Variants in IL31RA observed in about 807,000 individuals in gnomAD.
IL31RA encodes interleukin-31 receptor subunit alpha.
Under a neutral mutation model 83.7 loss-of-function variants are expected in IL31RA, and 66 were observed. The observed-to-expected ratio is 0.79, with a 90% CI of 0.65 to 0.97. The LOEUF is 0.97. Ranked by LOEUF, IL31RA falls within the 50% of genes least tolerant of loss-of-function variation. The probability of loss-of-function intolerance (pLI) is 0.00; values close to 1 mark genes in which losing one functional copy is unlikely to be tolerated. For missense variants in IL31RA, 798 were observed against 919.4 expected (o/e 0.87, Z 1.71); for synonymous variants, 325 against 329.0 (o/e 0.99, Z 0.13).
intron 13 of IL31RA, among the ~76,000 whole-genome samples, chr5:55,914,241 A>G (rs548278366): frequency 6.6e-6 from 1 of 152,342 alleles, no homozygotes; most frequent in South Asian, 2.1e-4. Context: ...GGTCAAGCTA[A>G]TATCAACCTC....
At chr5:55,872,130 G>A (rs1746546904) in intron 3 of IL31RA, 140 bp from the exon 4 acceptor site, 2 of 662,980 alleles carry the variant, frequency 3.0e-6, no homozygotes, top group Non-Finnish European at 5.2e-6. Context: ...TTTGGAAAGA[G>A]GATAACCAAA....
intron 4 of IL31RA, among the ~76,000 whole-genome samples, chr5:55,880,332 A>G (rs1210149409): frequency 6.6e-6 from 1 of 152,172 alleles, no homozygotes; most frequent in African/African-American, 2.4e-5. Flanking sequence ...CATGTCTCTA[A>G]GTAGGGATTT....
intron 7 of IL31RA, among the ~76,000 whole-genome samples, chr5:55,898,011 T>C (rs74881399): frequency 0.017 from 2,522 of 152,316 alleles, 73 homozygotes; most frequent in African/African-American, 0.058. Context: ...CCCGCAGGGC[T>C]ATGGGACTCC....
chr5:55,884,016 T>A (rs1747429525), intron 5 of IL31RA, among the ~76,000 whole-genome samples: 1 of 152,198 alleles, frequency 6.6e-6, no homozygotes, highest in South Asian at 2.1e-4. Context: ...TTAATTTGCA[T>A]TTACCTGACC....
rs1749984965 is a variant in IL31RA at position 55,919,524 on chromosome 5, G to T, written c.*2404G>T. ...TTTCTTCTTTCCTTTCTCTCCTCTT[G>T]CCCCTATCTTGTGCTTTGTTTTCCC... On this transcript the variant is annotated 3_prime_UTR_variant, in exon 15 of 15. Transcript: ENST00000652347. Among the ~76,000 whole-genome samples, 1 of 152,010 alleles carries T rather than the reference G, an allele frequency of 6.6e-6. No individual in the cohort carries two copies. The highest frequency in any genetic ancestry group is 2.1e-4 in the South Asian group (1 of 4,828).
chr5:55,840,863 C>A, the IL31RA span, among the ~76,000 whole-genome samples: 6 of 152,110 alleles, frequency 3.9e-5, no homozygotes, highest in Non-Finnish European at 8.8e-5. Context: ...TAATGATGGC[C>A]CATTTCTACA....
At chr5:55,855,469 G>T (rs765825169) in intron 1 of IL31RA, among the ~76,000 whole-genome samples, 2 of 152,118 alleles carry the variant, frequency 1.3e-5, no homozygotes, top group Non-Finnish European at 2.9e-5. Flanking sequence ...GTAGCTGAGT[G>T]AATGTATGAA....
At chr5:55,893,013 C>A (rs902852867) in intron 6 of IL31RA, among the ~76,000 whole-genome samples, 1 of 152,156 alleles carries the variant, frequency 6.6e-6, no homozygotes, top group African/African-American at 2.4e-5. Context: ...CAATGAAATG[C>A]CATTTGTTTA....
chr5:55,908,373 A>G lies in IL31RA; in HGVS notation c.1463A>G (p.Tyr488Cys). 6.2e-7 allele frequency: 1 copy of G among 1,614,188 alleles called. No homozygotes were observed. The highest frequency in any genetic ancestry group is 8.5e-7 in the Non-Finnish European group (1 of 1,180,038). ...GAGAGAAAGGGTATCATCTGCAACT[A>G]CACCATCTTTTACCAAGCTGAAGGT... ...KSERKGIICN[Y>C]TIFYQAEGGK... The change falls in exon 11 of 15, where the codon TAC becomes TGC. Residue 488 changes from tyrosine (Y) to cysteine (C), a missense_variant. Transcript: ENST00000652347.
At position 55,913,547 on chromosome 5, in the gene IL31RA, G is replaced by A; in HGVS notation, c.1713G>A (p.Val571=). 1.2e-6 allele frequency: 2 copies of A among 1,612,860 alleles called. No homozygotes were observed. The highest frequency in any genetic ancestry group is 1.7e-6 in the Non-Finnish European group (2 of 1,178,872). Residue 571 remains valine (V), a synonymous_variant, in exon 13 of 15, where the codon GTG becomes GTA. Transcript: ENST00000652347. ...GGLLILIILT[V]AYGLKKPNKL... is the part of the protein sequence containing the mutation. ...TTCTTATTCTCATTATCCTGACAGTGGCATATGGTCTCAAAAAACCCAAGT... is the reference window on the plus strand; with the variant it reads ...TTCTTATTCTCATTATCCTGACAGTAGCATATGGTCTCAAAAAACCCAAGT...
chr5:55,882,436 G>A (rs1322702753), intron 4 of IL31RA, among the ~76,000 whole-genome samples: 1 of 151,922 alleles, frequency 6.6e-6, no homozygotes. Context: ...ATAATTATAC[G>A]GAAAACGGCT....
the IL31RA span, among the ~76,000 whole-genome samples, chr5:55,842,783 T>G: frequency 1.3e-5 from 2 of 152,324 alleles, no homozygotes; most frequent in East Asian, 3.9e-4. Flanking sequence ...GATCCAACTT[T>G]GAGTTATGTT....
chr5:55,916,896 G>C lies in IL31RA; in HGVS notation c.2071G>C (p.Val691Leu), dbSNP rs771154095. The change falls in exon 15 of 15, where the codon GTT becomes CTT. Residue 691 changes from valine (V) to leucine (L), a missense_variant. Val to Leu is a conservative substitution (Grantham distance 32). Coordinates refer to ENST00000652347, the MANE Select transcript of IL31RA (RefSeq NM_139017.7). ...PLGKSFEELPVSPEIPPRKSQ... is the reference protein window; with the variant it reads ...PLGKSFEELPLSPEIPPRKSQ... ...GGGGAAAAGTTTTGAGGAGCTCCCAGTTTCACCTGAGATTCCGCCCAGAAA... is the reference window on the plus strand; with the variant it reads ...GGGGAAAAGTTTTGAGGAGCTCCCACTTTCACCTGAGATTCCGCCCAGAAA... The C allele has an allele frequency of 1.9e-6, 3 of 1,614,014 alleles. No individual in the cohort carries two copies. In the Admixed American group the frequency reaches 5.0e-5, roughly 27 times the overall value.
the IL31RA span, among the ~76,000 whole-genome samples, chr5:55,846,007 A>G: frequency 6.6e-6 from 1 of 152,226 alleles, no homozygotes; most frequent in African/African-American, 2.4e-5. Flanking sequence ...GGAGTTTTTG[A>G]CTCTTATACT....
chr5:55,915,525 C>T (rs963147751), intron 14 of IL31RA, among the ~76,000 whole-genome samples: 3 of 152,154 alleles, frequency 2.0e-5, no homozygotes. Flanking sequence ...TAATTTCTTG[C>T]TTACGTAGAA....
chr5:55,876,630 C>T (rs978470684), intron 4 of IL31RA, among the ~76,000 whole-genome samples: 12 of 151,992 alleles, frequency 7.9e-5, no homozygotes, highest in African/African-American at 2.7e-4. Flanking sequence ...TTTAGTATGC[C>T]CACCCTGCTC....
chr5:55,839,809 C>G, the IL31RA span: 1 of 764,338 alleles, frequency 1.3e-6, no homozygotes, highest in East Asian at 2.4e-5. Context: ...TTTCTCTGTC[C>G]TTTTTCAGGG....
chr5:55,921,815 A>T lies in IL31RA; in HGVS notation c.*4695A>T, dbSNP rs1750100601. Among the ~76,000 whole-genome samples, 2 of 152,074 alleles carry T rather than the reference A, an allele frequency of 1.3e-5. No individual in the cohort carries two copies. The highest frequency in any genetic ancestry group is 2.9e-5 in the Non-Finnish European group (2 of 68,012). ...GTTCTCTGCCTCCGTGCTCCTGGGG[A>T]CATTGACAGACCAGCTGAGTTGCTA... On this transcript the variant is annotated 3_prime_UTR_variant, in exon 15 of 15. Transcript: ENST00000652347.
At chr5:55,866,546 G>C (rs1230389913) in intron 2 of IL31RA, 1 of 152,514 alleles carries the variant, frequency 6.6e-6, no homozygotes, top group Non-Finnish European at 1.5e-5. Flanking sequence ...GGGTAGGGGT[G>C]GGGGCGGGGA....
Sources: allele counts gnomAD v4.1 joint callset (sites outside exome capture counted in the v4.1 genomes callset), GRCh38; gene constraint gnomAD v4.1.1; transcripts MANE v1.5; gene names NCBI Gene and HGNC (gene_info 2026-07-23, HGNC 2026-07-21).